Variants in PPEF1 observed in about 807,000 individuals in gnomAD.
PPEF1 encodes the protein protein phosphatase with EF-hand domain 1, also known as serine/threonine-protein phosphatase with EF-hands 1.
A neutral mutation model predicts 53.3 loss-of-function variants in PPEF1; 12 were observed. That is an observed-to-expected ratio of 0.23 (90% CI 0.14 to 0.36). The LOEUF (loss-of-function observed/expected upper bound fraction) is 0.36. PPEF1 is among the 10% of genes least tolerant of loss of function. The pLI is 1.00. For missense variants in PPEF1, 334 were observed against 490.4 expected (o/e 0.68, Z 3.01); for synonymous variants, 165 against 176.7 (o/e 0.93, Z 0.52).
At chrX:18,707,050 A>G (rs1305142776), upstream of PPEF1, among the ~76,000 whole-genome samples, 1 of 108,758 alleles carries the variant, frequency 9.2e-6, no homozygotes. Flanking sequence ...GCTGGTCTCG[A>G]ACTCCTGACC....
intron 5 of PPEF1, among the ~76,000 whole-genome samples, chrX:18,758,110 G>A (rs976775598): frequency 9.0e-6 from 1 of 111,731 alleles, no homozygotes; most frequent in Non-Finnish European, 1.9e-5. Context: ...AGAAAAGCCC[G>A]TGGCGGGGTG....
rs1444576798 is a variant in PPEF1, at chrX:18,824,023, A to G, written c.1602A>G (p.Gln534=). The G allele has an allele frequency of 8.3e-7, 1 of 1,207,682 alleles. No individual in the cohort carries two copies. The highest frequency in any genetic ancestry group is 1.8e-5 in the South Asian group (1 of 56,561). The change falls in exon 14 of 16, where the codon CAA becomes CAG. Residue 534 remains glutamine, a synonymous_variant. Transcript: ENST00000470157. Reference sequence around the variant, plus strand: ...GTTCGAATCTGGTAAACATAGACCAAAATGGAAACGTTGAATACATGTCCA... The same window carrying G: ...GTTCGAATCTGGTAAACATAGACCAGAATGGAAACGTTGAATACATGTCCA... ...SLSSNLVNID[Q]NGNVEYMSSF... is the part of the protein sequence containing the mutation.
At chrX:18,769,543 G>A (rs983996715) in intron 6 of PPEF1, among the ~76,000 whole-genome samples, 4 of 111,495 alleles carry the variant, frequency 3.6e-5, no homozygotes, top group Middle Eastern at 4.7e-3. Context: ...TGAACAGAGA[G>A]ATGCTAATGA....
At chrX:18,789,038 GA>G in intron 9 of PPEF1, 82 bp from the exon 10 acceptor site, 2 of 1,106,279 alleles carry the variant, frequency 1.8e-6, no homozygotes, top group Non-Finnish European at 2.4e-6. Flanking sequence ...CCACAACATA[GA>G]AAGAATCCCA....
chrX:18,778,283 G>A (rs1020742319), intron 6 of PPEF1, among the ~76,000 whole-genome samples: 2 of 111,241 alleles, frequency 1.8e-5, no homozygotes, highest in Non-Finnish European at 3.8e-5. Context: ...CTATTTTAAA[G>A]ACCAGGCCTT....
chrX:18,793,068 T>C (rs1451913809), intron 10 of PPEF1, among the ~76,000 whole-genome samples: 2 of 108,353 alleles, frequency 1.8e-5, no homozygotes, highest in African/African-American at 6.7e-5. Flanking sequence ...CTTCTGCTTG[T>C]TTTGGGTTTA....
chrX:18,811,610 TA>T (rs2046809299), intron 12 of PPEF1, among the ~76,000 whole-genome samples: 3 of 14,162 alleles, frequency 2.1e-4, no homozygotes, highest in South Asian at 1.4e-3. Context: ...TATATATATA[TA>T]TATATTTTTT....
At chrX:18,820,741 A>T (rs1300683400) in intron 13 of PPEF1, among the ~76,000 whole-genome samples, 1 of 111,430 alleles carries the variant, frequency 9.0e-6, no homozygotes, top group East Asian at 2.8e-4. Flanking sequence ...TTCAGAATGC[A>T]TATTCTTATC....
upstream of PPEF1, among the ~76,000 whole-genome samples, chrX:18,680,254 C>T (rs555430145): frequency 4.5e-5 from 5 of 109,998 alleles, no homozygotes; most frequent in South Asian, 7.8e-4. Flanking sequence ...ATAGTTTTTC[C>T]TTAGATCACG....
At chrX:18,822,098 A>G (rs2047073538) in intron 13 of PPEF1, among the ~76,000 whole-genome samples, 1 of 112,045 alleles carries the variant, frequency 8.9e-6, no homozygotes, top group African/African-American at 3.2e-5. Flanking sequence ...CCCACACACT[A>G]ATGGTGAGGA....
At chrX:18,753,332 T>C (rs1264144700) in intron 4 of PPEF1, among the ~76,000 whole-genome samples, 2 of 112,024 alleles carry the variant, frequency 1.8e-5, no homozygotes, top group Non-Finnish European at 1.9e-5. Flanking sequence ...TCTTTAAGGT[T>C]GATGGTAATG....
rs149684703 is a variant in PPEF1, at chrX:18,728,124, A to G, written c.47-2057A>G. 1.2e-3 allele frequency among the ~76,000 whole-genome samples: 135 copies of G among 110,905 alleles called. 1 individual carries two copies. In the East Asian group the frequency reaches 0.033, roughly 27 times the overall value. On this transcript the variant is annotated intron_variant, in intron 1 of 15. Transcript: ENST00000470157. ...GAGGCCTAACATACCCGACATCACA[A>G]CAAAAGACTGTATCAGGGCCATGGA...
chrX:18,809,097 A>ATCTATCTG (rs199688475), intron 12 of PPEF1, among the ~76,000 whole-genome samples: 3,410 of 93,692 alleles, frequency 0.036, 144 homozygotes, highest in African/African-American at 0.17. Context: ...CATTATATCT[A>ATCTATCTG]TCTATCTATC....
chrX:18,740,019 C>G (rs2045108275), intron 3 of PPEF1, among the ~76,000 whole-genome samples: 1 of 112,374 alleles, frequency 8.9e-6, no homozygotes, highest in Admixed American at 9.4e-5. Context: ...CCTGATTTTC[C>G]AGGTACCATC....
At chrX:18,780,790 C>G (rs1442637810) in intron 7 of PPEF1, among the ~76,000 whole-genome samples, 3 of 110,297 alleles carry the variant, frequency 2.7e-5, no homozygotes, top group Non-Finnish European at 5.7e-5. Context: ...CATGGTAGCT[C>G]GCGCCTGTAA....
intron 10 of PPEF1, among the ~76,000 whole-genome samples, chrX:18,798,523 C>T (rs1033562018): frequency 6.3e-5 from 7 of 111,454 alleles, no homozygotes; most frequent in Non-Finnish European, 1.1e-4. Flanking sequence ...AGGACGTGAC[C>T]TACTTTAGTC....
chrX:18,717,762 C>T (rs2044489174), intron 1 of PPEF1, among the ~76,000 whole-genome samples: 1 of 111,449 alleles, frequency 9.0e-6, no homozygotes, highest in Admixed American at 9.6e-5. Flanking sequence ...TTTCTCCTGG[C>T]TTTTAAATGT....
intron 9 of PPEF1, 30 bp from the exon 10 acceptor site, chrX:18,789,091 G>A (rs1253788208): frequency 2.5e-6 from 3 of 1,202,972 alleles, no homozygotes; most frequent in Non-Finnish European, 3.4e-6. Flanking sequence ...TAAGCAGAGG[G>A]TTGGACTAAA....
In PPEF1 at chrX:18,806,548, G is replaced by A; in HGVS notation, c.1394+3G>A. On this transcript the variant is annotated splice_donor_region_variant and intron_variant, in intron 12 of 15. Transcript: ENST00000470157. ...TGCTTTCAGCCTCTTCGCCAAAGGT[G>A]TGTATACTATACCGAGAGTGCTGAG... The A allele has an allele frequency of 1.7e-6, 2 of 1,201,895 alleles. No individual in the cohort carries two copies. Among genetic ancestry groups the A allele is most frequent in the African/African-American group, 1.7e-5 (1 of 57,619 alleles).
Sources: gnomAD v4.1 joint callset for allele counts (sites outside exome capture counted in the v4.1 genomes callset) on GRCh38, gnomAD v4.1.1 for gene constraint, MANE v1.5 for transcripts, NCBI Gene and HGNC (gene_info 2026-07-23, HGNC 2026-07-21) for gene names.